The following RNGTT variants were observed in gnomAD, a reference collection of about 807,000 sequenced individuals.
The protein encoded by RNGTT is RNA guanylyltransferase and 5'-phosphatase.
In RNGTT, 33 loss-of-function variants were observed where a neutral mutation model predicts 79.3. The ratio of observed to expected loss-of-function variants is 0.42; its 90% CI spans 0.32 to 0.56. The LOEUF is 0.56. Ranked by LOEUF, RNGTT falls within the 20% of genes least tolerant of loss-of-function variation. The pLI, the probability that RNGTT is intolerant of heterozygous loss-of-function variation, is 0.17. For synonymous variants in RNGTT, 222 were observed against 235.9 expected (o/e 0.94, Z 0.54); for missense variants, 497 against 739.1 (o/e 0.67, Z 3.80).
intron 12 of RNGTT, among the ~76,000 whole-genome samples, chr6:88,775,206 T>C (rs1185626543): frequency 1.3e-5 from 2 of 152,164 alleles, no homozygotes; most frequent in Non-Finnish European, 2.9e-5. Context: ...ACATTATCCA[T>C]CTCCTCACAG....
At chr6:88,941,218 A>C in intron 1 of RNGTT, 38 bp from the exon 2 acceptor site, 1 of 1,292,938 alleles carries the variant, frequency 7.7e-7, no homozygotes, top group Non-Finnish European at 1.1e-6. Context: ...CCATAAAAGG[A>C]AATGTTTCAG....
chr6:88,912,719 C>T (rs1041700322), intron 4 of RNGTT, among the ~76,000 whole-genome samples: 1 of 151,956 alleles, frequency 6.6e-6, no homozygotes, highest in Admixed American at 6.6e-5. Flanking sequence ...TTACGACCAA[C>T]CACACAGAAA....
At chr6:88,725,031 T>C (rs1395222254) in intron 13 of RNGTT, among the ~76,000 whole-genome samples, 1 of 152,230 alleles carries the variant, frequency 6.6e-6, no homozygotes, top group Non-Finnish European at 1.5e-5. Context: ...CACACCCTTC[T>C]ATAGAAGTAC....
chr6:88,802,313 T>A (rs879826905), intron 11 of RNGTT, among the ~76,000 whole-genome samples: 2,137 of 152,292 alleles, frequency 0.014, 45 homozygotes, highest in African/African-American at 0.048. Flanking sequence ...GCAGAGAATT[T>A]CATTGCAAAG....
chr6:88,768,041 A>G (rs6938055), intron 13 of RNGTT, among the ~76,000 whole-genome samples: 21,062 of 152,104 alleles, frequency 0.14, 1,596 homozygotes, highest in Middle Eastern at 0.24. Context: ...TCAGACTCAT[A>G]TAGAGCTCAA....
intron 4 of RNGTT, among the ~76,000 whole-genome samples, chr6:88,920,367 G>GTTAC (rs1784128164): frequency 1.3e-5 from 2 of 152,078 alleles, no homozygotes; most frequent in Non-Finnish European, 2.9e-5. Flanking sequence ...TATGTGAACA[G>GTTAC]TTACTATACT....
chr6:88,745,927 G>C (rs1353286029), intron 13 of RNGTT, among the ~76,000 whole-genome samples: 1 of 152,108 alleles, frequency 6.6e-6, no homozygotes, highest in Non-Finnish European at 1.5e-5. Flanking sequence ...CTCTTGCCCT[G>C]CTTTGTGATA....
intron 14 of RNGTT, among the ~76,000 whole-genome samples, chr6:88,621,611 G>A (rs917997493): frequency 5.3e-5 from 8 of 151,808 alleles, no homozygotes; most frequent in Admixed American, 3.3e-4. Flanking sequence ...GACTAAGATG[G>A]CATCTATTCT....
chr6:88,675,611 T>G (rs1396948992), intron 14 of RNGTT, among the ~76,000 whole-genome samples: 1 of 151,974 alleles, frequency 6.6e-6, no homozygotes, highest in African/African-American at 2.4e-5. Flanking sequence ...TAGAGAACAA[T>G]CATTTATGTA....
intron 1 of RNGTT, among the ~76,000 whole-genome samples, chr6:88,942,066 C>G (rs2127959016): frequency 6.6e-6 from 1 of 152,094 alleles, no homozygotes; most frequent in African/African-American, 2.4e-5. Flanking sequence ...CTCAAGCGAT[C>G]CACCCACCTC....
chr6:88,749,096 G>C lies in RNGTT; in HGVS notation c.1439+20678C>G, dbSNP rs188730398. 6.6e-5 allele frequency among the ~76,000 whole-genome samples: 10 copies of C among 152,190 alleles called. No homozygotes were observed. In the East Asian group the frequency reaches 1.5e-3, roughly 24 times the overall value. ...TGAAGAAAAAATAACTGTTTACTTA[G>C]AATTCAATATCCAATAAATAGGATA... On this transcript the variant is annotated intron_variant, in intron 13 of 15. Coordinates refer to ENST00000369485, the MANE Select transcript of RNGTT (RefSeq NM_003800.5).
At chr6:88,754,500 G>C (rs1777942263) in intron 13 of RNGTT, among the ~76,000 whole-genome samples, 2 of 152,028 alleles carry the variant, frequency 1.3e-5, no homozygotes, top group African/African-American at 4.8e-5. Context: ...CCACCACTTA[G>C]AGCACTCCAA....
chr6:88,899,967 C>G (rs1562309984), intron 6 of RNGTT, among the ~76,000 whole-genome samples: 1 of 152,144 alleles, frequency 6.6e-6, no homozygotes. Context: ...AAACTAAAGT[C>G]TAGTTTCTAA....
chr6:88,693,521 A>T (rs1355619973), intron 13 of RNGTT, among the ~76,000 whole-genome samples: 1 of 148,676 alleles, frequency 6.7e-6, no homozygotes, highest in African/African-American at 2.6e-5. Context: ...CTTCAGGCTG[A>T]TTTTGACCAA....
chr6:88,871,642 C>T (rs1408459857), intron 8 of RNGTT, among the ~76,000 whole-genome samples: 3 of 152,184 alleles, frequency 2.0e-5, no homozygotes, highest in Non-Finnish European at 2.9e-5. Flanking sequence ...GACACTCAGG[C>T]AGCTGTGAGA....
chr6:88,821,937 C>A (rs1780509328), intron 11 of RNGTT, among the ~76,000 whole-genome samples: 2 of 148,572 alleles, frequency 1.3e-5, no homozygotes, highest in Admixed American at 6.7e-5. Flanking sequence ...TCCCTAGTCA[C>A]CAAACAAACA....
chr6:88,677,455 A>C (rs1409654623), intron 14 of RNGTT, among the ~76,000 whole-genome samples: 1 of 152,078 alleles, frequency 6.6e-6, no homozygotes, highest in Non-Finnish European at 1.5e-5. Flanking sequence ...TTAGATCTCA[A>C]AAAAGCTGTT....
chr6:88,681,371 A>T (rs1344918730), intron 13 of RNGTT, among the ~76,000 whole-genome samples: 3 of 152,084 alleles, frequency 2.0e-5, no homozygotes, highest in Non-Finnish European at 4.4e-5. Flanking sequence ...ATGTATGTAT[A>T]TTTCACTTTT....
At position 88,611,132 on chromosome 6, in the gene RNGTT, A is replaced by G. The variant is rs1044209705; in HGVS notation, c.*1587T>C. On this transcript the variant is annotated 3_prime_UTR_variant, in exon 16 of 16. Transcript: ENST00000369485. ...ACTATACATTACATGACTTGGGAACAACGAAGAAAAAAGCCCAAGCTTGAC... is the reference window on the plus strand; with the variant it reads ...ACTATACATTACATGACTTGGGAACGACGAAGAAAAAAGCCCAAGCTTGAC... The G allele has an allele frequency of 6.6e-6, 1 of 152,332 alleles. No individual in the cohort carries two copies. The highest frequency in any genetic ancestry group is 1.5e-5 in the Non-Finnish European group (1 of 68,054). 9.4% of individuals were successfully genotyped at this position (152,332 alleles called of 1,614,324 possible). A position where few individuals can be genotyped will look rare whatever the true frequency, so the allele number is the denominator to read the frequency against.
Sources: allele counts gnomAD v4.1 joint callset (sites outside exome capture counted in the v4.1 genomes callset), GRCh38; gene constraint gnomAD v4.1.1; transcripts MANE v1.5; gene names NCBI Gene and HGNC (gene_info 2026-07-23, HGNC 2026-07-21).